SCLT1: variants seen among roughly 807,000 people sequenced by gnomAD.
SCLT1 encodes sodium channel-associated protein 1.
Under a neutral mutation model 112.8 loss-of-function variants are expected in SCLT1, and 78 were observed. The ratio of observed to expected loss-of-function variants is 0.69; its 90% CI spans 0.58 to 0.83. The LOEUF (loss-of-function observed/expected upper bound fraction) is 0.83, where lower values mean the gene tolerates loss of function less well. Among genes scored for constraint, SCLT1 ranks in the 40% least tolerant of loss-of-function variants. The pLI is 0.00. For synonymous variants in SCLT1, 257 were observed against 254.7 expected, an observed-to-expected ratio of 1.01 and a Z score of -0.09; for missense variants, 747 against 770.4, an observed-to-expected ratio of 0.97 and a Z score of 0.36.
intron 2 of SCLT1, among the ~76,000 whole-genome samples, chr4:129,054,170 C>T (rs1431396835): frequency 1.3e-5 from 2 of 152,120 alleles, no homozygotes; most frequent in Non-Finnish European, 2.9e-5. Context: ...TTCTCTCTGG[C>T]TGCCCTTAAC....
rs114881321 is a variant in SCLT1, at chr4:128,989,543, C to T, written c.686+2624G>A. The stretch of plus-strand genomic sequence containing the variant: ...AAGTAGAAAAACTTCAAATAAACAA[C>T]CTAAGGATATATCTTAAAGAACTGG... On this transcript the variant is annotated intron_variant, in intron 9 of 20. Coordinates refer to ENST00000281142, the MANE Select transcript of SCLT1 (RefSeq NM_144643.4). 5.4e-3 allele frequency among the ~76,000 whole-genome samples: 819 copies of T among 151,622 alleles called. 9 individuals are homozygous for T. Among genetic ancestry groups the T allele is most frequent in the African/African-American group, 0.019 (770 of 41,428 alleles).
At chr4:128,969,699 T>A (rs1740519537) in intron 10 of SCLT1, among the ~76,000 whole-genome samples, 1 of 152,218 alleles carries the variant, frequency 6.6e-6, no homozygotes, top group South Asian at 2.1e-4. Flanking sequence ...GGGAGAACCA[T>A]CAGGCCAGAC....
At position 128,946,070 on chromosome 4, in the gene SCLT1, G is replaced by C. The variant is rs773964733; in HGVS notation, c.1376C>G (p.Ser459Ter). The change falls in exon 16 of 21, where the codon TCA becomes TGA. Residue 459 changes from serine to a stop codon, truncating the protein, a stop_gained. Coordinates refer to ENST00000281142, the MANE Select transcript of SCLT1 (RefSeq NM_144643.4). LOFTEE classifies it high-confidence loss of function. ...AAGTCTTAGCTGAAGATCATCTTTT[G>C]AACGCTCTGAAACCAGGAATCTTTG... ...MHQRFLVSER[S>*]KDDLQLRLTR... The C allele has an allele frequency of 6.2e-7, 1 of 1,609,584 alleles. No individual in the cohort carries two copies. The highest frequency in any genetic ancestry group is 8.5e-7 in the Non-Finnish European group (1 of 1,176,306).
intron 5 of SCLT1, among the ~76,000 whole-genome samples, chr4:129,010,676 T>C (rs925265879): frequency 2.6e-5 from 4 of 152,198 alleles, no homozygotes; most frequent in Admixed American, 6.5e-5. Flanking sequence ...TTTATTTATT[T>C]ATTACAACTG....
chr4:129,035,330 A>T (rs1026236700), intron 5 of SCLT1, among the ~76,000 whole-genome samples: 1 of 152,164 alleles, frequency 6.6e-6, no homozygotes, highest in African/African-American at 2.4e-5. Flanking sequence ...TCCTCTTATC[A>T]GAGAGAAAAA....
chr4:129,048,280 G>C (rs891837479), intron 2 of SCLT1, among the ~76,000 whole-genome samples: 1 of 151,958 alleles, frequency 6.6e-6, no homozygotes, highest in Non-Finnish European at 1.5e-5. Context: ...CCAAAACAGA[G>C]ATATAGATCA....
chr4:128,975,040 C>CTTTTTTTTTTTTT (rs34603915), intron 9 of SCLT1, among the ~76,000 whole-genome samples: 16,935 of 85,664 alleles, frequency 0.2, 5,009 homozygotes, highest in African/African-American at 0.38. Flanking sequence ...TGAATGACAA[C>CTTTTTTTTTTTTT]TTTTTTTTTT....
At chr4:128,877,272 G>C (rs538808002) in intron 3 of SCLT1, among the ~76,000 whole-genome samples, 1 of 152,318 alleles carries the variant, frequency 6.6e-6, no homozygotes, top group South Asian at 2.1e-4. Context: ...TGAGGAAACT[G>C]AGGCACAGAG....
intron 18 of SCLT1, among the ~76,000 whole-genome samples, chr4:128,903,316 T>G (rs1283570426): frequency 6.6e-6 from 1 of 152,120 alleles, no homozygotes; most frequent in East Asian, 1.9e-4. Context: ...CAACAGGAAT[T>G]TTTCATCTAC....
chr4:129,037,461 T>G (rs957925144), intron 5 of SCLT1: 13 of 152,174 alleles, frequency 8.5e-5, no homozygotes, highest in Admixed American at 2.0e-4. Context: ...TAAGTAAAAC[T>G]GGATAGACAA....
chr4:128,954,947 T>C (rs1012956429), intron 13 of SCLT1, among the ~76,000 whole-genome samples: 1 of 152,188 alleles, frequency 6.6e-6, no homozygotes, highest in Non-Finnish European at 1.5e-5. Flanking sequence ...CTTTTCAGTA[T>C]CTAGAAATGA....
intron 18 of SCLT1, among the ~76,000 whole-genome samples, chr4:128,904,570 G>A (rs1488168807): frequency 1.3e-5 from 2 of 152,022 alleles, no homozygotes; most frequent in East Asian, 1.9e-4. Context: ...ACTGTTTGTT[G>A]TTCCCATCTT....
At chr4:128,965,389 G>T in intron 10 of SCLT1, 71 bp from the exon 11 acceptor site, 1 of 901,986 alleles carries the variant, frequency 1.1e-6, no homozygotes, top group Non-Finnish European at 1.8e-6. Flanking sequence ...ACAGCATAAA[G>T]AAAACAGCTC....
intron 2 of SCLT1, among the ~76,000 whole-genome samples, chr4:129,063,823 A>T (rs893867534): frequency 2.0e-5 from 3 of 152,168 alleles, no homozygotes; most frequent in African/African-American, 7.2e-5. Context: ...TGGGTGAGTC[A>T]AAAAGAGGTG....
intron 17 of SCLT1, among the ~76,000 whole-genome samples, chr4:128,941,163 C>T (rs1462968834): frequency 6.6e-6 from 1 of 152,116 alleles, no homozygotes; most frequent in Non-Finnish European, 1.5e-5. Context: ...CCTCCCATGA[C>T]ACACTGGGAT....
In SCLT1 at chr4:128,915,871, T is replaced by A. The variant is rs56950655; in HGVS notation, c.1829+20784A>T. 5.6e-3 allele frequency among the ~76,000 whole-genome samples: 853 copies of A among 152,304 alleles called. 22 individuals are homozygous for A. The highest frequency in any genetic ancestry group is 0.045 in the Admixed American group (694 of 15,296). On this transcript the variant is annotated intron_variant, in intron 18 of 20. Transcript: ENST00000281142. ...AGACAGACTGTTTTAAAACATGTAA[T>A]GAAACAAGTATAAAACATAATTACT...
chr4:128,942,546 T>G (rs1454054355), intron 17 of SCLT1, among the ~76,000 whole-genome samples: 1 of 152,080 alleles, frequency 6.6e-6, no homozygotes, highest in Non-Finnish European at 1.5e-5. Context: ...ATGACATTTT[T>G]GCCTCTTGCC....
rs546209778 is a variant in SCLT1, at chr4:128,946,984, A to C, written c.1294-832T>G. Among the ~76,000 whole-genome samples the C allele has an allele frequency of 1.2e-3, 183 of 152,304 alleles. 1 individual carries two copies. The highest frequency in any genetic ancestry group is 2.4e-3 in the Non-Finnish European group (162 of 68,016). On this transcript the variant is annotated intron_variant, in intron 15 of 20. Transcript: ENST00000281142. ...GTTCATACGTTGAAGCAAATCCTGC[A>C]CACAGCTACCCCCAAAATCTAGACT...
intron 7 of SCLT1, 77 bp downstream of exon 7, chr4:128,999,595 G>A: frequency 8.7e-6 from 9 of 1,031,622 alleles, no homozygotes. Context: ...AGAGTCTTAA[G>A]CGTTCCCCTC....
Sources: gnomAD v4.1 joint callset for allele counts (sites outside exome capture counted in the v4.1 genomes callset) on GRCh38, gnomAD v4.1.1 for gene constraint, MANE v1.5 for transcripts, NCBI Gene and HGNC (gene_info 2026-07-23, HGNC 2026-07-21) for gene names.